The following NRXN1 variants were observed in gnomAD, a reference collection of about 807,000 sequenced individuals.
NRXN1 encodes the protein neurexin-1.
A neutral mutation model predicts 150.9 loss-of-function variants in NRXN1; 39 were observed. The ratio of observed to expected loss-of-function variants is 0.26; its 90% CI spans 0.20 to 0.34. NRXN1 has a LOEUF of 0.34. NRXN1 is among the 10% of genes least tolerant of loss of function. The pLI is 1.00. For synonymous variants in NRXN1, 924 were observed against 757.0 expected (o/e 1.22, Z -3.62); for missense variants, 1,815 against 1,949.9 (o/e 0.93, Z 1.30).
chr2:51,003,678 T>C (rs1267224067), intron 2 of NRXN1, among the ~76,000 whole-genome samples: 1 of 151,916 alleles, frequency 6.6e-6, no homozygotes, highest in Admixed American at 6.6e-5. Flanking sequence ...CTGGTACATA[T>C]GACAATATAT....
rs199648906 is a variant in NRXN1, at chr2:51,027,656, A to C, written c.618T>G (p.Asp206Glu). The C allele has an allele frequency of 1.4e-5, 22 of 1,601,494 alleles. No homozygotes were observed. Among genetic ancestry groups the C allele is most frequent in the Admixed American group, 1.7e-5 (1 of 58,514 alleles). Residue 206 changes from aspartate to glutamate, a missense_variant, in exon 2 of 23, where the codon GAT becomes GAG. Asp to Glu is a conservative substitution (Grantham distance 45). Around this residue, in one of 6 missense-constraint regions of NRXN1, gnomAD observed 554 missense variants for 478.8 expected, o/e 1.16. Transcript: ENST00000401669. ...PVDSGEVKLD[D>E]EPPNSGGGSP... ...TTCCCCCGCCGCTGTTGGGCGGCTCATCGTCCAGCTTCACCTCGCCGCTGT... is the reference window on the plus strand; with the variant it reads ...TTCCCCCGCCGCTGTTGGGCGGCTCCTCGTCCAGCTTCACCTCGCCGCTGT...
At chr2:50,641,091 T>C (rs1559061770) in intron 5 of NRXN1, among the ~76,000 whole-genome samples, 1 of 152,152 alleles carries the variant, frequency 6.6e-6, no homozygotes, top group Non-Finnish European at 1.5e-5. Flanking sequence ...CAGGCTGAAA[T>C]TTTAAACGTC....
intron 21 of NRXN1, among the ~76,000 whole-genome samples, chr2:49,979,901 T>G (rs1226769131): frequency 5.2e-5 from 6 of 115,620 alleles, no homozygotes; most frequent in Non-Finnish European, 1.2e-4. Flanking sequence ...TATATTGTTT[T>G]TTTGGTTTTT....
intron 22 of NRXN1, among the ~76,000 whole-genome samples, chr2:49,943,346 C>T (rs1346965298): frequency 1.3e-5 from 2 of 152,086 alleles, no homozygotes; most frequent in Non-Finnish European, 2.9e-5. Flanking sequence ...TAATTTTGCA[C>T]AATGTGCTGC....
At chr2:50,878,678 T>A (rs945603584) in intron 5 of NRXN1, among the ~76,000 whole-genome samples, 1 of 151,940 alleles carries the variant, frequency 6.6e-6, no homozygotes, top group African/African-American at 2.4e-5. Context: ...GTTTCCCTTA[T>A]GCCAACCACA....
At chr2:49,937,196 T>A (rs1449224940) in intron 22 of NRXN1, among the ~76,000 whole-genome samples, 1 of 152,142 alleles carries the variant, frequency 6.6e-6, no homozygotes, top group Non-Finnish European at 1.5e-5. Context: ...CATGAAAACA[T>A]GAGATAGTTT....
At chr2:50,200,965 G>A (rs911471026) in intron 18 of NRXN1, among the ~76,000 whole-genome samples, 1 of 151,974 alleles carries the variant, frequency 6.6e-6, no homozygotes, top group East Asian at 1.9e-4. Context: ...CTTCTGAAAA[G>A]CTTCCCTTTT....
At chr2:50,042,446 T>C (rs1379140120) in intron 21 of NRXN1, among the ~76,000 whole-genome samples, 4 of 152,192 alleles carry the variant, frequency 2.6e-5, no homozygotes, top group African/African-American at 4.8e-5. Context: ...TCTGCCATGA[T>C]TGTAAGTTTC....
intron 17 of NRXN1, among the ~76,000 whole-genome samples, chr2:50,429,674 T>A (rs1325848407): frequency 6.6e-6 from 1 of 152,114 alleles, no homozygotes; most frequent in Non-Finnish European, 1.5e-5. Flanking sequence ...TACAAAAAAA[T>A]CCTACTGAAG....
intron 5 of NRXN1, among the ~76,000 whole-genome samples, chr2:50,651,585 G>C (rs1433558513): frequency 2.6e-5 from 4 of 152,012 alleles, no homozygotes; most frequent in African/African-American, 9.7e-5. Flanking sequence ...TTGAGCAGAG[G>C]AGATGGAGGC....
chr2:50,652,993 C>A (rs770572189), intron 5 of NRXN1, among the ~76,000 whole-genome samples: 1 of 151,800 alleles, frequency 6.6e-6, no homozygotes, highest in Non-Finnish European at 1.5e-5. Flanking sequence ...GTTTTCATTC[C>A]TCGTTTTAGT....
chr2:50,725,622 TA>T (rs1697251582), intron 5 of NRXN1, among the ~76,000 whole-genome samples: 1 of 152,138 alleles, frequency 6.6e-6, no homozygotes, highest in South Asian at 2.1e-4. Context: ...CATAATCAGT[TA>T]AATGGTACAC....
intron 5 of NRXN1, chr2:50,916,838 C>G (rs1031645822): frequency 1.3e-5 from 2 of 151,628 alleles, no homozygotes; most frequent in Non-Finnish European, 3.0e-5. Context: ...CAAGCTGGGA[C>G]TTTTATTAGT....
At chr2:49,932,836 C>T (rs182375097) in intron 22 of NRXN1, among the ~76,000 whole-genome samples, 3 of 152,206 alleles carry the variant, frequency 2.0e-5, no homozygotes, top group African/African-American at 4.8e-5. Flanking sequence ...TCTCATAACA[C>T]TATGTGGTGT....
chr2:50,418,311 T>C (rs1399606882), intron 17 of NRXN1, among the ~76,000 whole-genome samples: 1 of 151,908 alleles, frequency 6.6e-6, no homozygotes, highest in East Asian at 1.9e-4. Flanking sequence ...TCCCAACAAG[T>C]TTCACCAAGT....
intron 17 of NRXN1, among the ~76,000 whole-genome samples, chr2:50,464,776 G>T (rs1360091386): frequency 2.0e-5 from 3 of 151,866 alleles, no homozygotes; most frequent in Non-Finnish European, 2.9e-5. Flanking sequence ...TTAAGACACA[G>T]AACTTCATCT....
At chr2:50,960,999 T>C (rs549456009) in intron 2 of NRXN1, among the ~76,000 whole-genome samples, 6 of 152,046 alleles carry the variant, frequency 3.9e-5, no homozygotes, top group African/African-American at 1.2e-4. Context: ...GTGAGTAGTA[T>C]ATAAGTTTTT....
chr2:50,585,849 T>C (rs552142043), intron 8 of NRXN1, among the ~76,000 whole-genome samples: 1 of 152,320 alleles, frequency 6.6e-6, no homozygotes, highest in South Asian at 2.1e-4. Context: ...GTTCTTTCAG[T>C]GAAGCAGTAA....
At chr2:50,684,289 G>A (rs1196963541) in intron 5 of NRXN1, among the ~76,000 whole-genome samples, 1 of 152,128 alleles carries the variant, frequency 6.6e-6, no homozygotes, top group Non-Finnish European at 1.5e-5. Flanking sequence ...GATTGCTTGA[G>A]TCTAGGAGTT....
Sources: gnomAD v4.1 joint callset for allele counts (sites outside exome capture counted in the v4.1 genomes callset) on GRCh38, gnomAD v4.1.1 for gene constraint, gnomAD v4.1.1 regional missense constraint, MANE v1.5 for transcripts, NCBI Gene and HGNC (gene_info 2026-07-23, HGNC 2026-07-21) for gene names.